Variants in ROR1 observed in about 807,000 individuals in gnomAD.
ROR1 encodes the protein ROR family WNT receptor 1.
Under a neutral mutation model 78.8 loss-of-function variants are expected in ROR1, and 19 were observed. The ratio of observed to expected loss-of-function variants is 0.24; its 90% CI spans 0.17 to 0.35. The LOEUF is 0.35. ROR1 is among the 10% of genes least tolerant of loss of function. The pLI is 1.00. For missense variants in ROR1, 917 were observed against 1,177.8 expected (o/e 0.78, Z 3.24); for synonymous variants, 386 against 433.6 (o/e 0.89, Z 1.36).
intron 1 of ROR1, among the ~76,000 whole-genome samples, chr1:63,947,612 G>T (rs1156637503): frequency 6.6e-6 from 1 of 152,178 alleles, no homozygotes; most frequent in East Asian, 1.9e-4. Flanking sequence ...TACTGTGAAG[G>T]AGGTGGGGTG....
At chr1:63,926,032 G>A (rs1645700319) in intron 1 of ROR1, among the ~76,000 whole-genome samples, 1 of 151,988 alleles carries the variant, frequency 6.6e-6, no homozygotes, top group South Asian at 2.1e-4. Flanking sequence ...GATCCCATTT[G>A]TCAATTTTGT....
At chr1:64,155,976 G>C (rs1649759141) in intron 7 of ROR1, among the ~76,000 whole-genome samples, 1 of 152,150 alleles carries the variant, frequency 6.6e-6, no homozygotes, top group Non-Finnish European at 1.5e-5. Context: ...AAGATTGGTA[G>C]AGCAGGGACT....
At chr1:63,874,005 A>G (rs1645267647) in intron 1 of ROR1, among the ~76,000 whole-genome samples, 1 of 152,172 alleles carries the variant, frequency 6.6e-6, no homozygotes, top group African/African-American at 2.4e-5. Flanking sequence ...TAACCTGTTA[A>G]GAACTGGTCT....
intron 1 of ROR1, among the ~76,000 whole-genome samples, chr1:63,917,637 C>T (rs181692660): frequency 6.6e-6 from 1 of 152,234 alleles, no homozygotes; most frequent in African/African-American, 2.4e-5. Flanking sequence ...CAGCATTTTA[C>T]TTTATCCAAA....
intron 2 of ROR1, among the ~76,000 whole-genome samples, chr1:64,023,548 AAAC>A (rs1646582614): frequency 6.6e-6 from 1 of 152,172 alleles, no homozygotes; most frequent in Non-Finnish European, 1.5e-5. Context: ...AAACAAAACA[AAAC>A]AAAAAACTAG....
intron 2 of ROR1, among the ~76,000 whole-genome samples, chr1:64,027,236 AGTTTCC>A (rs1646619389): frequency 6.6e-6 from 1 of 152,198 alleles, no homozygotes; most frequent in Non-Finnish European, 1.5e-5. Context: ...CTCTGACTAA[AGTTTCC>A]ATTCATTTCA....
intron 2 of ROR1, among the ~76,000 whole-genome samples, chr1:64,021,012 G>A (rs899015443): frequency 3.5e-5 from 5 of 144,060 alleles, no homozygotes; most frequent in African/African-American, 1.3e-4. Flanking sequence ...GGTTTATTCT[G>A]TCAAATGCTT....
chr1:63,864,098 G>A (rs1190029501), intron 1 of ROR1, among the ~76,000 whole-genome samples: 5 of 152,132 alleles, frequency 3.3e-5, no homozygotes, highest in African/African-American at 4.8e-5. Context: ...AATCTTTGCA[G>A]CATTTTGAAG....
chr1:64,037,252 T>G (rs1281000206), intron 2 of ROR1, among the ~76,000 whole-genome samples: 1 of 152,154 alleles, frequency 6.6e-6, no homozygotes, highest in South Asian at 2.1e-4. Flanking sequence ...TCAAACAATT[T>G]GCAGATAGTT....
intron 7 of ROR1, among the ~76,000 whole-genome samples, chr1:64,154,606 C>T (rs1649721573): frequency 6.6e-6 from 1 of 152,064 alleles, no homozygotes; most frequent in Non-Finnish European, 1.5e-5. Flanking sequence ...GTATTTTCTC[C>T]ATTATATTTA....
chr1:64,039,276 G>A (rs1477313878), intron 2 of ROR1, among the ~76,000 whole-genome samples: 4 of 152,152 alleles, frequency 2.6e-5, no homozygotes, highest in Non-Finnish European at 5.9e-5. Flanking sequence ...TGTCAGCCTT[G>A]GTGGAACTGA....
chr1:63,868,688 T>C (rs912005288), intron 1 of ROR1, among the ~76,000 whole-genome samples: 1 of 152,120 alleles, frequency 6.6e-6, no homozygotes, highest in African/African-American at 2.4e-5. Flanking sequence ...CTGATAACCA[T>C]GTGAGTTCAG....
intron 1 of ROR1, among the ~76,000 whole-genome samples, chr1:63,780,198 G>A (rs998055169): frequency 6.6e-6 from 1 of 150,624 alleles, no homozygotes; most frequent in Non-Finnish European, 1.5e-5. Flanking sequence ...GAGAGAGGGG[G>A]ACTAAAAAAA....
At chr1:63,960,458 A>T (rs1646019077) in intron 1 of ROR1, among the ~76,000 whole-genome samples, 1 of 152,212 alleles carries the variant, frequency 6.6e-6, no homozygotes, top group African/African-American at 2.4e-5. Flanking sequence ...AGCCACTTGA[A>T]TAAAATGCTG....
intron 2 of ROR1, among the ~76,000 whole-genome samples, chr1:64,035,277 G>C (rs1646693067): frequency 6.6e-6 from 1 of 152,218 alleles, no homozygotes; most frequent in African/African-American, 2.4e-5. Context: ...AGTTTCTAAA[G>C]TGGCTTTGGA....
At chr1:63,869,627 C>T (rs1012997677) in intron 1 of ROR1, among the ~76,000 whole-genome samples, 1 of 152,212 alleles carries the variant, frequency 6.6e-6, no homozygotes, top group South Asian at 2.1e-4. Context: ...CAGAACTTAG[C>T]TTTGTGGTGC....
chr1:63,825,912 A>G (rs559624094), intron 1 of ROR1, among the ~76,000 whole-genome samples: 44 of 152,268 alleles, frequency 2.9e-4, no homozygotes, highest in African/African-American at 9.4e-4. Context: ...CGTGGTCTCA[A>G]TCCTGCCTCC....
intron 8 of ROR1, among the ~76,000 whole-genome samples, chr1:64,165,216 A>G (rs1412529059): frequency 6.6e-6 from 1 of 152,226 alleles, no homozygotes; most frequent in Non-Finnish European, 1.5e-5. Context: ...AACAGTGTAT[A>G]AGCGTTCCTT....
At chr1:64,118,632 CAAAAAA>C (rs3084938) in intron 4 of ROR1, among the ~76,000 whole-genome samples, 1 of 65,852 alleles carries the variant, frequency 1.5e-5, no homozygotes, top group Admixed American at 2.0e-4. Flanking sequence ...GACTCCATCT[CAAAAAA>C]AAAAAAAAAA....
Sources: gnomAD v4.1 joint callset for allele counts (sites outside exome capture counted in the v4.1 genomes callset) on GRCh38, gnomAD v4.1.1 for gene constraint, MANE v1.5 for transcripts, NCBI Gene and HGNC (gene_info 2026-07-23, HGNC 2026-07-21) for gene names.